ARCN1: variants seen among roughly 807,000 people sequenced by gnomAD.
ARCN1 encodes the protein archain 1 coat protein complex I subunit delta.
ARCN1 carries 5 observed loss-of-function variants against 60.4 expected under a neutral mutation model. The observed-to-expected ratio is 0.08, with a 90% CI of 0.04 to 0.17. The LOEUF (loss-of-function observed/expected upper bound fraction) is 0.17, where lower values mean the gene tolerates loss of function less well. ARCN1 is among the 10% of genes least tolerant of loss of function. The pLI, the probability that ARCN1 is intolerant of heterozygous loss-of-function variation, is 1.00. For missense variants in ARCN1, 464 were observed against 626.5 expected (o/e 0.74, Z 2.77); for synonymous variants, 224 against 220.0 (o/e 1.02, Z -0.16).
intron 8 of ARCN1, 109 bp downstream of exon 8, chr11:118,593,807 T>A: frequency 1.7e-6 from 1 of 602,036 alleles, no homozygotes; most frequent in African/African-American, 1.9e-5. Context: ...AAGATACTTC[T>A]TTAAAAAGCT....
intron 1 of ARCN1, among the ~76,000 whole-genome samples, chr11:118,574,413 A>G (rs1938434097): frequency 6.6e-6 from 1 of 152,196 alleles, no homozygotes; most frequent in South Asian, 2.1e-4. Flanking sequence ...ACATTTCATT[A>G]TGAAATTTTC....
Position 118,578,868 on chromosome 11 carries a change from G to GTC in ARCN1, c.4-2372_4-2371dup, listed in dbSNP as rs1555074151. ...AGCCTGGGCAACATGGCAAAACCCCGTCTCTCTTTTTTTTTTTTTTTTTTT... is the reference window on the plus strand; with the variant it reads ...AGCCTGGGCAACATGGCAAAACCCCGTCTCTCTCTTTTTTTTTTTTTTTTTTT... On this transcript the variant is annotated intron_variant, in intron 1 of 9. Coordinates refer to ENST00000264028, the MANE Select transcript of ARCN1 (RefSeq NM_001655.5). Among the ~76,000 whole-genome samples, 10 of 82,716 alleles carry GTC rather than the reference G, an allele frequency of 1.2e-4. No individual in the cohort carries two copies. The East Asian group carries it at 3.4e-3, about 28-fold the overall frequency. 54.3% of individuals were successfully genotyped at this position (82,716 alleles called of 152,430 possible).
intron 8 of ARCN1, among the ~76,000 whole-genome samples, chr11:118,595,006 C>G (rs192402111): frequency 6.6e-6 from 1 of 151,164 alleles, no homozygotes; most frequent in Non-Finnish European, 1.5e-5. Flanking sequence ...TGTGCCACCA[C>G]GCCCAGTTAA....
At chr11:118,588,859 A>G (rs958269315) in intron 5 of ARCN1, among the ~76,000 whole-genome samples, 1 of 152,132 alleles carries the variant, frequency 6.6e-6, no homozygotes, top group Admixed American at 6.6e-5. Context: ...CTCTAGTAAA[A>G]ATACAAAAAT....
At chr11:118,572,648 A>T (rs1736113435) in intron 1 of ARCN1, 98 bp downstream of exon 1, 1 of 1,490,372 alleles carries the variant, frequency 6.7e-7, no homozygotes. Context: ...CCCCGCCCTG[A>T]GGGTCTAGGG....
chr11:118,596,927 C>T (rs1365957841), intron 8 of ARCN1, among the ~76,000 whole-genome samples: 6 of 152,124 alleles, frequency 3.9e-5, no homozygotes, highest in Non-Finnish European at 8.8e-5. Flanking sequence ...AACAAATTCT[C>T]GGCCGGGTGC....
Position 118,593,602 on chromosome 11 carries a change from C to T in ARCN1, c.1145C>T (p.Pro382Leu), listed in dbSNP as rs1332071546. The T allele has an allele frequency of 1.2e-6, 2 of 1,611,882 alleles. No individual in the cohort carries two copies. Among genetic ancestry groups the T allele is most frequent in the Non-Finnish European group, 8.5e-7 (1 of 1,178,214 alleles). Residue 382 changes from proline (P) to leucine (L), a missense_variant, in exon 8 of 10, where the codon CCC becomes CTC. Transcript: ENST00000264028. ...GCTTTCTCCTCAGTTAATTGCTGGCCCTCGGAGAGTGGAAATGGCTGTGAT... is the reference window on the plus strand; with the variant it reads ...GCTTTCTCCTCAGTTAATTGCTGGCTCTCGGAGAGTGGAAATGGCTGTGAT... ...SFIPLTINCW[P>L]SESGNGCDVN...
At chr11:118,578,893 T>C (rs1008817189) in intron 1 of ARCN1, among the ~76,000 whole-genome samples, 421 of 145,646 alleles carry the variant, frequency 2.9e-3, no homozygotes, top group Non-Finnish European at 5.3e-3. Context: ...TTTTTTTTTT[T>C]TTTTTTTTTT....
At chr11:118,583,033 T>A in intron 2 of ARCN1, 146 bp from the exon 3 acceptor site, 1 of 936,830 alleles carries the variant, frequency 1.1e-6, no homozygotes, top group South Asian at 1.6e-5. Flanking sequence ...AGAGCGAGAC[T>A]CTGTCCCAAA....
At chr11:118,598,488 ATTTTTTTTTTTT>A (rs1174732773) in intron 9 of ARCN1, among the ~76,000 whole-genome samples, 2 of 111,132 alleles carry the variant, frequency 1.8e-5, no homozygotes, top group Admixed American at 1.9e-4. Flanking sequence ...GTTCCTTCGG[ATTTTTTTTTTTT>A]TTTTTTTTTT....
At chr11:118,588,923 C>T (rs575356186) in intron 5 of ARCN1, among the ~76,000 whole-genome samples, 1 of 152,160 alleles carries the variant, frequency 6.6e-6, no homozygotes, top group Non-Finnish European at 1.5e-5. Flanking sequence ...GAGGCTGAGA[C>T]AGGAGAATCA....
intron 8 of ARCN1, among the ~76,000 whole-genome samples, chr11:118,594,490 CTT>C (rs1938982893): frequency 6.6e-6 from 1 of 152,188 alleles, no homozygotes; most frequent in Non-Finnish European, 1.5e-5. Flanking sequence ...ATTTTACTGA[CTT>C]TAAAACCAAA....
intron 5 of ARCN1, among the ~76,000 whole-genome samples, chr11:118,586,511 A>C (rs1023195029): frequency 6.6e-6 from 1 of 152,122 alleles, no homozygotes; most frequent in African/African-American, 2.4e-5. Context: ...TTTGAGTGAG[A>C]CAGAGGCTTC....
rs11216912 is a variant in ARCN1 at position 118,581,619 on chromosome 11, G to C, written c.267+110G>C. ...TAACCAGTTTGCAGGTTCCTACTCC[G>C]CACCCCAGCGACTTATTGCTGCAGC... On this transcript the variant is annotated intron_variant, in intron 2 of 9. Transcript: ENST00000264028. 176,213 of 1,107,842 alleles carry C rather than the reference G, an allele frequency of 0.16. 18,142 individuals carry two copies. Among genetic ancestry groups the C allele is most frequent in the East Asian group, 0.49 (20,052 of 41,072 alleles). 68.6% of individuals were successfully genotyped at this position (1,107,842 alleles called of 1,614,324 possible).
chr11:118,584,142 T>G, intron 4 of ARCN1, 128 bp downstream of exon 4: 1 of 916,332 alleles, frequency 1.1e-6, no homozygotes. Context: ...TGATGTTACA[T>G]TTGGCCACAT....
intron 6 of ARCN1, among the ~76,000 whole-genome samples, chr11:118,591,919 TA>T (rs1207256043): frequency 5.9e-5 from 9 of 151,702 alleles, no homozygotes; most frequent in South Asian, 4.2e-4. Context: ...TTTATTTATT[TA>T]TTTATTTTTT....
chr11:118,589,926 C>G (rs1366585458), intron 5 of ARCN1, among the ~76,000 whole-genome samples: 1 of 152,110 alleles, frequency 6.6e-6, no homozygotes, highest in South Asian at 2.1e-4. Context: ...TTTAAAAAAA[C>G]GTTGTTGATG....
intron 9 of ARCN1, 63 bp from the exon 10 acceptor site, chr11:118,600,562 T>C: frequency 9.3e-7 from 1 of 1,074,322 alleles, no homozygotes; most frequent in Non-Finnish European, 1.4e-6. Flanking sequence ...GTAATGAGAA[T>C]GTAGTCAACA....
chr11:118,590,730 G>A (rs960782994), intron 6 of ARCN1, among the ~76,000 whole-genome samples: 1 of 152,092 alleles, frequency 6.6e-6, no homozygotes, highest in Non-Finnish European at 1.5e-5. Flanking sequence ...TTGAATAAAA[G>A]GTCATTTCGA....
Sources: allele counts gnomAD v4.1 joint callset (sites outside exome capture counted in the v4.1 genomes callset), GRCh38; gene constraint gnomAD v4.1.1; transcripts MANE v1.5; gene names NCBI Gene and HGNC (gene_info 2026-07-23, HGNC 2026-07-21).